CLIP4: variants seen among roughly 807,000 people sequenced by gnomAD.
The protein encoded by CLIP4 is CAP-Gly domain-containing linker protein 4.
A neutral mutation model predicts 73.1 loss-of-function variants in CLIP4; 47 were observed. The ratio of observed to expected loss-of-function variants is 0.64; its 90% CI spans 0.51 to 0.82. CLIP4 has a LOEUF of 0.82. CLIP4 is among the 40% of genes least tolerant of loss of function. CLIP4 has a pLI of 0.00. For synonymous variants in CLIP4, 306 were observed against 295.4 expected (o/e 1.04, Z -0.37); for missense variants, 874 against 852.9 (o/e 1.02, Z -0.31).
intron 5 of CLIP4, 50 bp downstream of exon 5, chr2:29,133,866 G>A (rs775424823): frequency 7.1e-7 from 1 of 1,398,712 alleles, no homozygotes; most frequent in Non-Finnish European, 9.6e-7. Flanking sequence ...ACACTTTAGT[G>A]GTGGCATAAA....
chr2:29,141,945 A>G (rs943351902), intron 6 of CLIP4, among the ~76,000 whole-genome samples: 19 of 152,088 alleles, frequency 1.2e-4, no homozygotes, highest in African/African-American at 3.9e-4. Flanking sequence ...GACAGCAAGT[A>G]TTATTTTTTT....
At chr2:29,141,986 T>C (rs1371353048) in intron 6 of CLIP4, among the ~76,000 whole-genome samples, 2 of 152,192 alleles carry the variant, frequency 1.3e-5, no homozygotes, top group African/African-American at 4.8e-5. Flanking sequence ...CTTAATCATC[T>C]TTTATTAACC....
At chr2:29,158,192 C>G (rs1180161257) in intron 11 of CLIP4, among the ~76,000 whole-genome samples, 5 of 152,178 alleles carry the variant, frequency 3.3e-5, no homozygotes, top group African/African-American at 1.2e-4. Flanking sequence ...GTGGCTTCCT[C>G]TCTCCATACC....
intron 9 of CLIP4, 137 bp from the exon 10 acceptor site, chr2:29,156,216 AT>A (rs1666913321): frequency 7.1e-6 from 4 of 564,136 alleles, no homozygotes; most frequent in East Asian, 3.3e-5. Context: ...ATGTCCTCAT[AT>A]GTCTGTGCAG....
chr2:29,135,722 CT>C (rs1665305477), intron 6 of CLIP4, 56 bp downstream of exon 6: 3 of 1,268,414 alleles, frequency 2.4e-6, no homozygotes, highest in Non-Finnish European at 3.3e-6. Flanking sequence ...ATCTTACTTT[CT>C]GGTAAAATGT....
chr2:29,134,727 A>G (rs984599826), intron 5 of CLIP4, among the ~76,000 whole-genome samples: 1 of 152,138 alleles, frequency 6.6e-6, no homozygotes, highest in African/African-American at 2.4e-5. Context: ...GTTATCGAAA[A>G]TACTCAAGAT....
intron 1 of CLIP4, among the ~76,000 whole-genome samples, chr2:29,106,085 T>C (rs1668198811): frequency 6.6e-6 from 1 of 151,218 alleles, no homozygotes; most frequent in African/African-American, 2.4e-5. Context: ...CAGCATTTAA[T>C]CTTTGGATCT....
At chr2:29,139,731 G>A in intron 6 of CLIP4, among the ~76,000 whole-genome samples, 1 of 151,900 alleles carries the variant, frequency 6.6e-6, no homozygotes, top group East Asian at 1.9e-4. Context: ...TAGGAATTTA[G>A]ATTCCTAGAT....
chr2:29,160,388 C>A lies in CLIP4; in HGVS notation c.1455C>A (p.Leu485=). 1.2e-6 allele frequency: 2 copies of A among 1,614,160 alleles called. No homozygotes were observed. The highest frequency in any genetic ancestry group is 2.2e-5 in the South Asian group (2 of 91,082). ...TANNSRCEGE[L]RLGERVLVVG... ...ATAATAGCCGTTGCGAGGGGGAACT[C>A]CGCCTCGGAGAGAGAGTGTTAGTGG... is the stretch of plus-strand genomic sequence containing the variant. The change falls in exon 12 of 16, where the codon CTC becomes CTA. Residue 485 remains leucine (L), a synonymous_variant. Coordinates refer to ENST00000320081, the MANE Select transcript of CLIP4 (RefSeq NM_024692.6).
At position 29,097,765 on chromosome 2, in the gene CLIP4, C is replaced by T. The variant is rs1163911939; in HGVS notation, c.-198C>T. 3 of 152,232 alleles carry T rather than the reference C, an allele frequency of 2.0e-5. No homozygotes were observed. The South Asian group carries it at 6.2e-4, about 32-fold the overall frequency. The allele number at this position is 152,232 out of a possible 1,614,324, so 9.4% of individuals were successfully genotyped here. A position where few individuals can be genotyped will look rare whatever the true frequency, so the allele number is the denominator to read the frequency against. ...AAGGGAGGCCTGCTGAAGCCTGCCA[C>T]CACCACCAGGTTTTCTGTAATTGGA... On this transcript the variant is annotated 5_prime_UTR_variant, in exon 1 of 15. Coordinates refer to the CLIP4 transcript ENST00000401605.
At chr2:29,132,496 GTAAC>G in intron 4 of CLIP4, 1 of 435,168 alleles carries the variant, frequency 2.3e-6, no homozygotes, top group African/African-American at 2.0e-5. Context: ...ATAGATGAGA[GTAAC>G]TAGTAACACC....
chr2:29,116,736 C>T (rs751342539), intron 1 of CLIP4, among the ~76,000 whole-genome samples: 1 of 152,200 alleles, frequency 6.6e-6, no homozygotes, highest in African/African-American at 2.4e-5. Context: ...TCATTTGATA[C>T]GGTCTATCTG....
At chr2:29,149,600 G>A (rs1431302081) in intron 8 of CLIP4, among the ~76,000 whole-genome samples, 11 of 151,380 alleles carry the variant, frequency 7.3e-5, no homozygotes, top group Admixed American at 3.3e-4. Context: ...GTTACATGTC[G>A]AGATTTGAGA....
At position 29,182,771 on chromosome 2, in the gene CLIP4, A is replaced by G. The variant is rs932777641; in HGVS notation, c.*878A>G. 1 of 152,678 alleles carries G rather than the reference A, an allele frequency of 6.5e-6. No individual in the cohort carries two copies. 9.5% of individuals were successfully genotyped at this position (152,678 alleles called of 1,614,324 possible). A position where few individuals can be genotyped will look rare whatever the true frequency, so the allele number is the denominator to read the frequency against. On this transcript the variant is annotated 3_prime_UTR_variant, in exon 16 of 16. Transcript: ENST00000320081. Reference sequence around the variant, plus strand: ...TCCTTATTGGATATGTTTGTAACACATAAACACAAAGCACTTTTCAAACAT... The same window carrying G: ...TCCTTATTGGATATGTTTGTAACACGTAAACACAAAGCACTTTTCAAACAT...
rs570957474 is a variant in CLIP4 at position 29,174,517 on chromosome 2, T to C, written c.1796+72T>C. 33 of 1,567,808 alleles carry C rather than the reference T, an allele frequency of 2.1e-5. 1 individual carries two copies. In the African/African-American group the frequency reaches 2.7e-4, roughly 13 times the overall value. On this transcript the variant is annotated intron_variant, in intron 15 of 15. Transcript: ENST00000320081. The stretch of plus-strand genomic sequence containing the variant: ...ATGGGATTCTGTGAAGAAAGAAAAG[T>C]GGAGTGCTGTATCTTTTGCATTGCT...
chr2:29,169,243 G>T (rs1667839195), intron 14 of CLIP4, among the ~76,000 whole-genome samples: 1 of 152,092 alleles, frequency 6.6e-6, no homozygotes, highest in South Asian at 2.1e-4. Flanking sequence ...AGATCAAGGT[G>T]TTGGCAGGTT....
At chr2:29,126,400 G>A (rs879050030) in intron 2 of CLIP4, among the ~76,000 whole-genome samples, 1 of 152,032 alleles carries the variant, frequency 6.6e-6, no homozygotes, top group Admixed American at 6.5e-5. Context: ...GTGATTTTGG[G>A]CAAATTGTTT....
upstream of CLIP4, among the ~76,000 whole-genome samples, chr2:29,111,279 C>G (rs1668380741): frequency 6.6e-6 from 1 of 152,204 alleles, no homozygotes; most frequent in Non-Finnish European, 1.5e-5. Context: ...GTGGGTGAAG[C>G]AGTGGTGTGT....
At chr2:29,103,629 A>G (rs1668114389) in intron 1 of CLIP4, among the ~76,000 whole-genome samples, 1 of 151,830 alleles carries the variant, frequency 6.6e-6, no homozygotes, top group Non-Finnish European at 1.5e-5. Context: ...GCTAATTAAG[A>G]ACTTGAATGT....
Sources: allele counts gnomAD v4.1 joint callset (sites outside exome capture counted in the v4.1 genomes callset), GRCh38; gene constraint gnomAD v4.1.1; transcripts MANE v1.5; gene names NCBI Gene and HGNC (gene_info 2026-07-23, HGNC 2026-07-21).